Variants in PAFAH1B1 observed in about 807,000 individuals in gnomAD.
PAFAH1B1 encodes the protein platelet-activating factor acetylhydrolase IB subunit beta.
A neutral mutation model predicts 57.5 loss-of-function variants in PAFAH1B1; 2 were observed. The ratio of observed to expected loss-of-function variants is 0.03; its 90% confidence interval spans 0.01 to 0.11. The LOEUF is 0.11. Among genes scored for constraint, PAFAH1B1 ranks in the 10% least tolerant of loss-of-function variants. The pLI is 1.00. For synonymous variants in PAFAH1B1, 152 were observed against 169.6 expected (o/e 0.90, Z 0.81); for missense variants, 257 against 512.0 (o/e 0.50, Z 4.81).
Position 2,606,810 on chromosome 17 carries a change from C to CTTTTTTTTTTTTTTTTTTTTTT in PAFAH1B1, c.-191+12810_-191+12831dup, listed in dbSNP as rs770011553. Among the ~76,000 whole-genome samples the CTTTTTTTTTTTTTTTTTTTTTT allele has an allele frequency of 1.7e-4, 17 of 101,714 alleles. 7 individuals carry two copies. Among genetic ancestry groups the CTTTTTTTTTTTTTTTTTTTTTT allele is most frequent in the African/African-American group, 3.2e-4 (8 of 25,374 alleles). 66.7% of individuals were successfully genotyped at this position (101,714 alleles called of 152,430 possible). ...ACATTTTGTCATATTTGCCTCAGAGCTTTTTTTTTTTTTTTTTTTTTTTTT... is the reference window on the plus strand; with the variant it reads ...ACATTTTGTCATATTTGCCTCAGAGCTTTTTTTTTTTTTTTTTTTTTTTTTTTTTTTTTTTTTTTTTTTTTTT... On this transcript the variant is annotated intron_variant, in intron 1 of 10. Transcript: ENST00000397195.
rs2068172962 is a variant in PAFAH1B1 at position 2,603,796 on chromosome 17, A to G, written c.-191+9790A>G. On this transcript the variant is annotated intron_variant, in intron 1 of 10. Coordinates refer to ENST00000397195, the MANE Select transcript of PAFAH1B1 (RefSeq NM_000430.4). ...CTCTCTGTCGCCTAGACTGGAGTGCAGTGGCACGATCTTGGCTTACTGCAG... is the reference window on the plus strand; with the variant it reads ...CTCTCTGTCGCCTAGACTGGAGTGCGGTGGCACGATCTTGGCTTACTGCAG... 4.7e-5 allele frequency among the ~76,000 whole-genome samples: 7 copies of G among 149,484 alleles called. 1 individual carries two copies. In the South Asian group the frequency reaches 1.5e-3, roughly 31 times the overall value.
rs868141402 is a variant in PAFAH1B1 at position 2,649,240 on chromosome 17, G to T, written c.32+10920G>T. 2.0e-5 allele frequency among the ~76,000 whole-genome samples: 3 copies of T among 148,002 alleles called. No homozygotes were observed. The South Asian group carries it at 6.5e-4, about 32-fold the overall frequency. On this transcript the variant is annotated intron_variant, in intron 2 of 10. Transcript: ENST00000397195. ...AAAAAAAAAAAAAAAAAATTAATGG[G>T]TTTAGTATGGTAACCTGAAACAAGA...
At chr17:2,679,478 TTGGA>T (rs754645470) in intron 9 of PAFAH1B1, among the ~76,000 whole-genome samples, 2 of 2,468 alleles carry the variant, frequency 8.1e-4, no homozygotes, top group Non-Finnish European at 1.4e-3. Flanking sequence ...GGATGGATGA[TTGGA>T]TGGATGGATG....
intron 4 of PAFAH1B1, 127 bp downstream of exon 4, chr17:2,666,217 G>T: frequency 1.1e-6 from 1 of 949,278 alleles, no homozygotes; most frequent in South Asian, 1.7e-5. Flanking sequence ...TACATTTTTT[G>T]TGCTTCATGA....
chr17:2,614,127 C>G (rs150278274), intron 1 of PAFAH1B1, among the ~76,000 whole-genome samples: 132 of 146,198 alleles, frequency 9.0e-4, no homozygotes, highest in African/African-American at 3.2e-3. Context: ...CTCCCAGGCT[C>G]AAGCTATCCT....
At chr17:2,649,699 C>G (rs2068823046) in intron 2 of PAFAH1B1, among the ~76,000 whole-genome samples, 1 of 152,148 alleles carries the variant, frequency 6.6e-6, no homozygotes, top group Non-Finnish European at 1.5e-5. Context: ...AAATTAAATG[C>G]AATCCCAATC....
At position 2,670,612 on chromosome 17, in the gene PAFAH1B1, T is replaced by G. The variant is rs75027556; in HGVS notation, c.568+281T>G. Among the ~76,000 whole-genome samples, 3,751 of 152,292 alleles carry G rather than the reference T, an allele frequency of 0.025. 166 individuals carry two copies. The highest frequency in any genetic ancestry group is 0.086 in the African/African-American group (3,569 of 41,548). ...CATTTATCTGTATTTGAGTTAAAAA[T>G]GGTTTTGTTTGTGTTTTAATTTTTG... On this transcript the variant is annotated intron_variant, in intron 6 of 10. Coordinates refer to ENST00000397195, the MANE Select transcript of PAFAH1B1 (RefSeq NM_000430.4).
At chr17:2,638,531 G>A in intron 2 of PAFAH1B1, 1 of 517,840 alleles carries the variant, frequency 1.9e-6, no homozygotes. Flanking sequence ...CTGAGAAGGA[G>A]TTTTTCGCTT....
chr17:2,677,205 C>T (rs950581053), intron 9 of PAFAH1B1, among the ~76,000 whole-genome samples: 6 of 152,132 alleles, frequency 3.9e-5, no homozygotes, highest in African/African-American at 1.4e-4. Context: ...GAAAAAGCAG[C>T]ATTCTTAGAG....
chr17:2,649,655 G>T (rs2068822590), intron 2 of PAFAH1B1, among the ~76,000 whole-genome samples: 1 of 152,176 alleles, frequency 6.6e-6, no homozygotes, highest in African/African-American at 2.4e-5. Flanking sequence ...GAAAAAGTCA[G>T]TATTGGACAG....
intron 1 of PAFAH1B1, among the ~76,000 whole-genome samples, chr17:2,616,568 G>A (rs1401634988): frequency 6.6e-6 from 1 of 152,240 alleles, no homozygotes; most frequent in South Asian, 2.1e-4. Flanking sequence ...AATAAGGCCC[G>A]CCCACATTAT....
At chr17:2,614,048 G>T (rs536425222) in intron 1 of PAFAH1B1, 8 of 74,802 alleles carry the variant, frequency 1.1e-4, no homozygotes, top group South Asian at 3.4e-4. Context: ...TTTTTGAGAC[G>T]TGGGTCTGGC....
intron 5 of PAFAH1B1, among the ~76,000 whole-genome samples, chr17:2,668,840 A>G (rs565042404): frequency 2.6e-5 from 4 of 151,630 alleles, no homozygotes; most frequent in East Asian, 2.0e-4. Context: ...GCCGGGAGTG[A>G]TGGCGGGCTC....
chr17:2,633,277 C>T (rs1339545528), intron 1 of PAFAH1B1, among the ~76,000 whole-genome samples: 1 of 151,494 alleles, frequency 6.6e-6, no homozygotes, highest in Non-Finnish European at 1.5e-5. Flanking sequence ...CAGCACTTCT[C>T]CTCCCTCAGC....
At chr17:2,599,344 T>C (rs770475326) in intron 1 of PAFAH1B1, among the ~76,000 whole-genome samples, 2 of 152,228 alleles carry the variant, frequency 1.3e-5, no homozygotes, top group African/African-American at 2.4e-5. Flanking sequence ...ACATTCCTTC[T>C]TTCTATAACG....
intron 1 of PAFAH1B1, among the ~76,000 whole-genome samples, chr17:2,633,020 C>T (rs1658026816): frequency 6.6e-6 from 1 of 152,126 alleles, no homozygotes; most frequent in African/African-American, 2.4e-5. Flanking sequence ...CCAATATAAA[C>T]TGTAGTTATA....
intron 10 of PAFAH1B1, chr17:2,681,473 A>G (rs1447881437): frequency 7.5e-6 from 3 of 400,228 alleles, no homozygotes; most frequent in South Asian, 4.0e-5. Flanking sequence ...AGTGTGATGG[A>G]GGGTTGGGAC....
At chr17:2,615,270 T>C (rs1489857941) in intron 1 of PAFAH1B1, among the ~76,000 whole-genome samples, 1 of 152,174 alleles carries the variant, frequency 6.6e-6, no homozygotes, top group East Asian at 1.9e-4. Context: ...TTTATTGGTA[T>C]CCGGGGGGTC....
At chr17:2,669,126 G>A (rs2069146502) in intron 5 of PAFAH1B1, among the ~76,000 whole-genome samples, 2 of 152,082 alleles carry the variant, frequency 1.3e-5, no homozygotes, top group African/African-American at 4.8e-5. Context: ...GGCTTTAAAA[G>A]TTTATACTTT....
Sources: allele counts gnomAD v4.1 joint callset (sites outside exome capture counted in the v4.1 genomes callset), GRCh38; gene constraint gnomAD v4.1.1; transcripts MANE v1.5; gene names NCBI Gene and HGNC (gene_info 2026-07-23, HGNC 2026-07-21).